Variants in TUBGCP4 observed in about 807,000 individuals in gnomAD.
TUBGCP4 encodes gamma-tubulin complex component 4.
In TUBGCP4, 54 loss-of-function variants were observed where a neutral mutation model predicts 91.6. That is an observed-to-expected ratio of 0.59 (90% CI 0.47 to 0.74). TUBGCP4 has a LOEUF of 0.74. TUBGCP4 is among the 30% of genes least tolerant of loss of function. TUBGCP4 has a pLI of 0.00. For missense variants in TUBGCP4, 593 were observed against 800.9 expected (o/e 0.74, Z 3.13); for synonymous variants, 297 against 302.8 (o/e 0.98, Z 0.20).
At chr15:43,393,850 G>T (rs137907288) in intron 9 of TUBGCP4, among the ~76,000 whole-genome samples, 2 of 152,222 alleles carry the variant, frequency 1.3e-5, no homozygotes, top group African/African-American at 2.4e-5. Flanking sequence ...ATGTGGTTTC[G>T]ATCTCTTGAC....
rs2044844187 is a variant in TUBGCP4 at position 43,405,650 on chromosome 15, A to G, written c.*436A>G. On this transcript the variant is annotated 3_prime_UTR_variant, in exon 18 of 18. Coordinates refer to ENST00000564079, the MANE Select transcript of TUBGCP4 (RefSeq NM_014444.5). ...AACTGCTGGATGTTACCACCAAGTA[A>G]GAAAGCAACAGGTAAGATAGGCTTT... The G allele has an allele frequency of 1.2e-5, 2 of 165,016 alleles. No homozygotes were observed. The highest frequency in any genetic ancestry group is 2.6e-5 in the Non-Finnish European group (2 of 76,242). 10.2% of individuals were successfully genotyped at this position (165,016 alleles called of 1,614,324 possible). A position where few individuals can be genotyped will look rare whatever the true frequency, so the allele number is the denominator to read the frequency against.
chr15:43,395,711 A>G (rs2044569749), intron 11 of TUBGCP4, 23 bp downstream of exon 11: 2 of 1,576,752 alleles, frequency 1.3e-6, no homozygotes, highest in Non-Finnish European at 1.7e-6. Context: ...GGCCCTGAGA[A>G]TGATCAACTG....
At chr15:43,387,373 A>G (rs2044392768) in intron 9 of TUBGCP4, among the ~76,000 whole-genome samples, 1 of 152,252 alleles carries the variant, frequency 6.6e-6, no homozygotes, top group South Asian at 2.1e-4. Flanking sequence ...ATGTGATAAC[A>G]CGAAATGAGA....
Position 43,405,687 on chromosome 15 carries a change from T to C in TUBGCP4, c.*473T>C, listed in dbSNP as rs555364966. ...GTAAGATAGGCTTTCTCTCTCCCTA[T>C]ACCAAGTAATTTATACCTACACAGA... is the stretch of plus-strand genomic sequence containing the variant. On this transcript the variant is annotated 3_prime_UTR_variant, in exon 18 of 18. Coordinates refer to ENST00000564079, the MANE Select transcript of TUBGCP4 (RefSeq NM_014444.5). 6.3e-6 allele frequency: 1 copy of C among 158,586 alleles called. No individual in the cohort carries two copies. The highest frequency in any genetic ancestry group is 2.4e-5 in the African/African-American group (1 of 41,626). 9.8% of individuals were successfully genotyped at this position (158,586 alleles called of 1,614,324 possible). A position where few individuals can be genotyped will look rare whatever the true frequency, so the allele number is the denominator to read the frequency against.
rs1385848192 is a variant in TUBGCP4 at position 43,376,503 on chromosome 15, G to A, written c.208G>A (p.Asp70Asn). The change falls in exon 3 of 18, where the codon GAT (aspartate) becomes AAT (asparagine). Residue 70 changes from aspartate (D) to asparagine (N), a missense_variant and splice_region_variant. By Grantham distance (23) the Asp-to-Asn change is conservative (BLOSUM62 1). Transcript: ENST00000564079. ...EQYTGHVQQQ[D>N]HHPSQQGQGG... is the part of the protein sequence containing the mutation. ...TTGGCTTCTGTTTGTTTGATTTCAG[G>A]ATCACCATCCATCTCAACAGGGCCA... 16 of 1,614,010 alleles carry A rather than the reference G, an allele frequency of 9.9e-6. No individual in the cohort carries two copies. Among genetic ancestry groups the A allele is most frequent in the Admixed American group, 1.7e-5 (1 of 59,982 alleles).
intron 1 of TUBGCP4, among the ~76,000 whole-genome samples, chr15:43,372,454 T>G (rs945515974): frequency 6.6e-6 from 1 of 152,218 alleles, no homozygotes; most frequent in African/African-American, 2.4e-5. Flanking sequence ...TGGTGGAGTT[T>G]GAATTGTTAT....
chr15:43,392,724 G>C (rs1411130463), intron 9 of TUBGCP4, among the ~76,000 whole-genome samples: 1 of 152,012 alleles, frequency 6.6e-6, no homozygotes, highest in Non-Finnish European at 1.5e-5. Flanking sequence ...ATCCCGAACT[G>C]CTGAGCTCAA....
At chr15:43,374,098 C>T (rs1052874906) in intron 1 of TUBGCP4, among the ~76,000 whole-genome samples, 12 of 152,164 alleles carry the variant, frequency 7.9e-5, no homozygotes, top group Non-Finnish European at 1.5e-4. Flanking sequence ...TCTTCTTCGC[C>T]TATTTGTTAC....
intron 17 of TUBGCP4, 22 bp downstream of exon 17, chr15:43,404,574 C>T (rs753771911): frequency 1.9e-6 from 3 of 1,609,606 alleles, no homozygotes; most frequent in Non-Finnish European, 8.5e-7. Flanking sequence ...CCTTGGGTAA[C>T]TCAGTAGACT....
At chr15:43,394,961 A>G in intron 9 of TUBGCP4, 146 bp from the exon 10 acceptor site, 1 of 800,500 alleles carries the variant, frequency 1.2e-6, no homozygotes, top group Non-Finnish European at 2.2e-6. Context: ...GAATGGAATA[A>G]TACATTGATT....
chr15:43,405,236 AAAT>A lies in TUBGCP4; in HGVS notation c.*25_*27del. ...GTGAAAATTTCTGGCTCATAAATTG[AAAT>A]AACAGCCACGTTCCCAAGGTTGTAA... On this transcript the variant is annotated 3_prime_UTR_variant, in exon 18 of 18. Transcript: ENST00000564079. 2 of 1,613,900 alleles carry A rather than the reference AAAT, an allele frequency of 1.2e-6. No homozygotes were observed. The highest frequency in any genetic ancestry group is 1.7e-6 in the Non-Finnish European group (2 of 1,179,790).
At chr15:43,397,375 C>T in intron 12 of TUBGCP4, 54 bp downstream of exon 12, 1 of 1,317,412 alleles carries the variant, frequency 7.6e-7, no homozygotes, top group Non-Finnish European at 1.1e-6. Flanking sequence ...CATCCATTTT[C>T]CCATCTCTGC....
chr15:43,396,545 T>TTC (rs1456495740), intron 11 of TUBGCP4, among the ~76,000 whole-genome samples: 1 of 152,236 alleles, frequency 6.6e-6, no homozygotes, highest in Non-Finnish European at 1.5e-5. Context: ...AGTACAAATA[T>TTC]AAGTACTTGT....
intron 6 of TUBGCP4, among the ~76,000 whole-genome samples, chr15:43,382,249 A>G (rs1433831087): frequency 1.4e-5 from 2 of 144,810 alleles, no homozygotes; most frequent in Non-Finnish European, 3.0e-5. Context: ...AAAATAAAAG[A>G]AAAAGGGATT....
chr15:43,394,898 A>G (rs999660842), intron 9 of TUBGCP4: 4 of 573,370 alleles, frequency 7.0e-6, no homozygotes, highest in South Asian at 2.2e-5. Context: ...GAGCAACTCA[A>G]CCTCTTTTCT....
intron 1 of TUBGCP4, among the ~76,000 whole-genome samples, chr15:43,372,659 C>T (rs2044142179): frequency 6.6e-6 from 1 of 152,180 alleles, no homozygotes; most frequent in African/African-American, 2.4e-5. Flanking sequence ...AGTAATTCAT[C>T]TTTTCCCTTC....
chr15:43,404,683 T>C, intron 17 of TUBGCP4, 131 bp downstream of exon 17: 1 of 942,602 alleles, frequency 1.1e-6, no homozygotes, highest in Non-Finnish European at 1.6e-6. Context: ...GAGATAGAGG[T>C]GTGACCATCT....
intron 1 of TUBGCP4, among the ~76,000 whole-genome samples, chr15:43,371,970 A>G (rs2044130705): frequency 6.6e-6 from 1 of 152,198 alleles, no homozygotes; most frequent in African/African-American, 2.4e-5. Context: ...CGTATGCATT[A>G]TCTTATTTAA....
chr15:43,400,022 T>A (rs367592223), intron 13 of TUBGCP4, 22 bp from the exon 14 acceptor site: 10 of 1,588,502 alleles, frequency 6.3e-6, no homozygotes, highest in Non-Finnish European at 8.6e-6. Context: ...TTGTCTTGAA[T>A]ATCCTGTTAT....
Sources: gnomAD v4.1 joint callset for allele counts (sites outside exome capture counted in the v4.1 genomes callset) on GRCh38, gnomAD v4.1.1 for gene constraint, MANE v1.5 for transcripts, NCBI Gene and HGNC (gene_info 2026-07-23, HGNC 2026-07-21) for gene names.